Variants in GSTA2 observed in about 807,000 individuals in gnomAD.
The protein encoded by GSTA2 is glutathione S-transferase alpha 2, also known as glutathione S-transferase A2.
A neutral mutation model predicts 22.4 loss-of-function variants in GSTA2; 27 were observed. That is an observed-to-expected ratio of 1.21 (90% confidence interval 0.89 to 1.67). GSTA2 has a LOEUF of 1.67. Among genes scored for constraint, GSTA2 ranks in the 40% most tolerant of loss-of-function variants. The probability of loss-of-function intolerance (pLI) is 0.00; values close to 1 mark genes in which losing one functional copy is unlikely to be tolerated. For synonymous variants in GSTA2, 121 were observed against 86.8 expected, an observed-to-expected ratio of 1.39 and a Z score of -2.19; for missense variants, 302 against 260.2, an observed-to-expected ratio of 1.16 and a Z score of -1.11.
At chr6:52,759,473 A>G (rs1762910258) in intron 1 of GSTA2, among the ~76,000 whole-genome samples, 2 of 150,126 alleles carry the variant, frequency 1.3e-5, no homozygotes, top group South Asian at 4.2e-4. Context: ...CAGCTCTGTT[A>G]TTAAACATTA....
intron 6 of GSTA2, 35 bp downstream of exon 6, chr6:52,751,542 G>C (rs377238018): frequency 6.5e-5 from 105 of 1,613,250 alleles, no homozygotes; most frequent in Admixed American, 1.0e-4. Context: ...TGGGAGATGT[G>C]GGTCTGCCTC....
chr6:52,751,007 T>TATCAGCACAG (rs1353044871), intron 6 of GSTA2, among the ~76,000 whole-genome samples: 1 of 152,228 alleles, frequency 6.6e-6, no homozygotes, highest in African/African-American at 2.4e-5. Flanking sequence ...GCTTGTTTGA[T>TATCAGCACAG]ATCAGCACAG....
chr6:52,760,936 C>A (rs531116695), intron 1 of GSTA2, among the ~76,000 whole-genome samples: 3 of 152,178 alleles, frequency 2.0e-5, no homozygotes, highest in East Asian at 3.9e-4. Context: ...TTTGAAAGGA[C>A]TATAAGGTCT....
intron 5 of GSTA2, among the ~76,000 whole-genome samples, chr6:52,752,439 G>T (rs773935172): frequency 6.6e-6 from 1 of 152,104 alleles, no homozygotes. Context: ...TCTCTGGTTG[G>T]GCAATTGGTC....
rs762696709 is a variant in GSTA2, at chr6:52,752,947, A to G, written c.321T>C (p.Leu107=). The G allele has an allele frequency of 4.3e-6, 7 of 1,613,752 alleles. No homozygotes were observed. Among genetic ancestry groups the G allele is most frequent in the African/African-American group, 4.0e-5 (3 of 74,922 alleles). Residue 107 remains leucine, a synonymous_variant, in exon 5 of 7, where the codon CTT becomes CTC. Transcript: ENST00000493422. ...CCTCAGGTTGACTAAAGGGCAGAAGAAGGATCATTTCACCCAAATCTGCTA... is the reference window on the plus strand; with the variant it reads ...CCTCAGGTTGACTAAAGGGCAGAAGGAGGATCATTTCACCCAAATCTGCTA... ...EGIADLGEMI[L]LLPFSQPEEQ...
intron 1 of GSTA2, among the ~76,000 whole-genome samples, chr6:52,760,124 G>T (rs1581777038): frequency 6.6e-6 from 1 of 152,182 alleles, no homozygotes. Flanking sequence ...TAATTCGACA[G>T]AATGAAAGGG....
intron 1 of GSTA2, among the ~76,000 whole-genome samples, chr6:52,763,211 A>C (rs1762981865): frequency 6.6e-6 from 1 of 152,110 alleles, no homozygotes; most frequent in South Asian, 2.1e-4. Context: ...CCATACCTTT[A>C]AATGCTGAGG....
chr6:52,760,795 T>A (rs1352932128), intron 1 of GSTA2, among the ~76,000 whole-genome samples: 2 of 152,180 alleles, frequency 1.3e-5, no homozygotes, highest in Admixed American at 1.3e-4. Flanking sequence ...TTCAGGGGCT[T>A]GCTTGGAAGA....
At chr6:52,756,705 A>G (rs1762851671) in intron 2 of GSTA2, among the ~76,000 whole-genome samples, 2 of 152,238 alleles carry the variant, frequency 1.3e-5, no homozygotes, top group African/African-American at 2.4e-5. Context: ...GAGGCATGAC[A>G]TGGGCTAATG....
intron 1 of GSTA2, among the ~76,000 whole-genome samples, 163 bp from the exon 2 acceptor site, chr6:52,758,140 T>C (rs1762883184): frequency 1.3e-5 from 2 of 152,152 alleles, no homozygotes; most frequent in South Asian, 4.1e-4. Flanking sequence ...CTCAAATTAT[T>C]ACCCAGCAGT....
At position 52,752,521 on chromosome 6, in the gene GSTA2, C is replaced by T. The variant is rs1328516799; in HGVS notation, c.414+333G>A. ...TTTCATCATGCCCCTGTTCAAAGTCCATGGGGTTCCATAGACTGAACAGCA... is the reference window on the plus strand; with the variant it reads ...TTTCATCATGCCCCTGTTCAAAGTCTATGGGGTTCCATAGACTGAACAGCA... On this transcript the variant is annotated intron_variant, in intron 5 of 6. Coordinates refer to ENST00000493422, the MANE Select transcript of GSTA2 (RefSeq NM_000846.5). Among the ~76,000 whole-genome samples the T allele has an allele frequency of 2.6e-5, 4 of 152,178 alleles. 1 individual carries two copies. Among genetic ancestry groups the T allele is most frequent in the Non-Finnish European group, 5.9e-5 (4 of 68,038 alleles).
At chr6:52,761,477 C>T (rs57731068) in intron 1 of GSTA2, among the ~76,000 whole-genome samples, 2,734 of 145,718 alleles carry the variant, frequency 0.019, 116 homozygotes, top group African/African-American at 0.062. Flanking sequence ...GTCCGTAGAA[C>T]TCTAGTAGGA....
At position 52,763,439 on chromosome 6, in the gene GSTA2, C is replaced by G. The variant is rs1251866861; in HGVS notation, c.-31+5G>C. The G allele has an allele frequency of 5.5e-6, 1 of 182,766 alleles. No homozygotes were observed. The highest frequency in any genetic ancestry group is 1.2e-5 in the Non-Finnish European group (1 of 85,976). The allele number at this position is 182,766 out of a possible 1,614,324, so 11.3% of individuals were successfully genotyped here. A position where few individuals can be genotyped will look rare whatever the true frequency, so the allele number is the denominator to read the frequency against. ...TGTAGAGAGATTTATAAGATCAGTACTTACTTTGTTAAATGCTGTCACCTT... is the reference window on the plus strand; with the variant it reads ...TGTAGAGAGATTTATAAGATCAGTAGTTACTTTGTTAAATGCTGTCACCTT... On this transcript the variant is annotated splice_donor_5th_base_variant and intron_variant, in intron 1 of 6. Coordinates refer to ENST00000493422, the MANE Select transcript of GSTA2 (RefSeq NM_000846.5).
rs1762913408 is a variant in GSTA2, at chr6:52,759,563, G to GTTTTTTTTTGTTTTTT, written c.-30-1587_-30-1586insAAAAAACAAAAAAAAA. On this transcript the variant is annotated intron_variant, in intron 1 of 6. Transcript: ENST00000493422. ...CCTTTAACAACTAATGTATTTATTT[G>GTTTTTTTTTGTTTTTT]TTTTTTTTTTTTTTTTTTTTTTTTT... 2.0e-4 allele frequency among the ~76,000 whole-genome samples: 7 copies of GTTTTTTTTTGTTTTTT among 34,198 alleles called. 2 individuals carry two copies. Among genetic ancestry groups the GTTTTTTTTTGTTTTTT allele is most frequent in the Admixed American group, 4.8e-4 (1 of 2,094 alleles). 22.4% of individuals were successfully genotyped at this position (34,198 alleles called of 152,430 possible).
rs1231883705 is a variant in GSTA2, at chr6:52,754,821, G to A, written c.272+122C>T. On this transcript the variant is annotated intron_variant, in intron 4 of 6. Transcript: ENST00000493422. Reference sequence around the variant, plus strand: ...GGACTCTGCAATACTGGACCTCAGCGTGCATGCCCAAGGCCCAGCCTGCTG... The same window carrying A: ...GGACTCTGCAATACTGGACCTCAGCATGCATGCCCAAGGCCCAGCCTGCTG... 6.2e-5 allele frequency: 80 copies of A among 1,287,162 alleles called. 1 individual carries two copies. The highest frequency in any genetic ancestry group is 4.0e-4 in the South Asian group (30 of 75,310). 79.7% of individuals were successfully genotyped at this position (1,287,162 alleles called of 1,614,324 possible). A position where few individuals can be genotyped will look rare whatever the true frequency, so the allele number is the denominator to read the frequency against.
At chr6:52,751,150 G>T (rs1762727834) in intron 6 of GSTA2, among the ~76,000 whole-genome samples, 1 of 152,172 alleles carries the variant, frequency 6.6e-6, no homozygotes. Flanking sequence ...GAGTGCTGGA[G>T]AGCTGGGCAG....
At chr6:52,754,332 A>G (rs1001704044) in intron 4 of GSTA2, among the ~76,000 whole-genome samples, 1 of 152,228 alleles carries the variant, frequency 6.6e-6, no homozygotes, top group Admixed American at 6.5e-5. Context: ...GGAATCATGC[A>G]GTCTCATCAC....
intron 5 of GSTA2, among the ~76,000 whole-genome samples, chr6:52,752,319 A>T (rs1762759255): frequency 6.6e-6 from 1 of 152,196 alleles, no homozygotes; most frequent in Non-Finnish European, 1.5e-5. Flanking sequence ...TTAGGAGTGA[A>T]CTGCTCTGAT....
Position 52,759,570 on chromosome 6 carries a change from T to TTTG in GSTA2, c.-30-1594_-30-1593insCAA, listed in dbSNP as rs1260781576. 7.3e-3 allele frequency among the ~76,000 whole-genome samples: 345 copies of TTTG among 47,090 alleles called. 32 individuals carry two copies. The highest frequency in any genetic ancestry group is 0.012 in the African/African-American group (118 of 10,020). 30.9% of individuals were successfully genotyped at this position (47,090 alleles called of 152,430 possible). On this transcript the variant is annotated intron_variant, in intron 1 of 6. Transcript: ENST00000493422. ...CAACTAATGTATTTATTTGTTTTTT[T>TTTG]TTTTTTTTTTTTTTTTTTTTTTTTT...
Sources: allele counts gnomAD v4.1 joint callset (sites outside exome capture counted in the v4.1 genomes callset), GRCh38; gene constraint gnomAD v4.1.1; transcripts MANE v1.5; gene names NCBI Gene and HGNC (gene_info 2026-07-23, HGNC 2026-07-21).